DYM: variants seen among roughly 807,000 people sequenced by gnomAD.
The protein encoded by DYM is dyggve-Melchior-Clausen syndrome protein.
In DYM, 78 loss-of-function variants were observed where a neutral mutation model predicts 93.1. The observed-to-expected ratio is 0.84, with a 90% confidence interval of 0.70 to 1.01. DYM has a LOEUF of 1.01. Among genes scored for constraint, DYM ranks in the 50% least tolerant of loss-of-function variants. The probability of loss-of-function intolerance (pLI) is 0.00; values close to 1 mark genes in which losing one functional copy is unlikely to be tolerated. For synonymous variants in DYM, 321 were observed against 319.7 expected (o/e 1.00, Z -0.04); for missense variants, 789 against 845.0 (o/e 0.93, Z 0.82).
chr18:49,411,668 AC>A (rs1568398454), intron 2 of DYM, among the ~76,000 whole-genome samples: 2 of 152,202 alleles, frequency 1.3e-5, no homozygotes, highest in African/African-American at 4.8e-5. Context: ...GGTTTGCTGA[AC>A]AATCAAACTG....
At chr18:49,454,671 C>T (rs984765082) in intron 1 of DYM, among the ~76,000 whole-genome samples, 7 of 151,390 alleles carry the variant, frequency 4.6e-5, no homozygotes, top group Admixed American at 2.0e-4. Context: ...AGGCCGAGGC[C>T]GGTGGATCAC....
At chr18:49,160,080 C>T (rs951643993) in intron 15 of DYM, among the ~76,000 whole-genome samples, 1 of 152,110 alleles carries the variant, frequency 6.6e-6, no homozygotes, top group African/African-American at 2.4e-5. Flanking sequence ...CTGTTAGTCA[C>T]TGAATTAAAT....
At chr18:49,122,632 T>C (rs1304916220) in intron 15 of DYM, among the ~76,000 whole-genome samples, 1 of 152,196 alleles carries the variant, frequency 6.6e-6, no homozygotes, top group Non-Finnish European at 1.5e-5. Flanking sequence ...TACAATGTAA[T>C]AATAATAGAA....
rs530888029 is a variant in DYM, at chr18:49,044,268, G to C, written c.2026-64C>G. On this transcript the variant is annotated intron_variant, in intron 17 of 17. Transcript: ENST00000675505. ...CCATGCACAAGCAAAAGTGGTGAGA[G>C]TTTGCAGGTGGTGCTGTGGTGTGCG... 1.9e-6 allele frequency: 3 copies of C among 1,594,116 alleles called. No homozygotes were observed. In the Admixed American group the frequency reaches 5.0e-5, roughly 27 times the overall value.
chr18:49,307,713 A>G (rs932101644), intron 8 of DYM, among the ~76,000 whole-genome samples: 2 of 152,164 alleles, frequency 1.3e-5, no homozygotes, highest in Admixed American at 1.3e-4. Context: ...TTAGATCAGA[A>G]CAAACAACTG....
intron 8 of DYM, among the ~76,000 whole-genome samples, chr18:49,313,462 CAAAAAAAAAAAAAAAAA>C (rs60775305): frequency 1.1e-3 from 32 of 28,566 alleles, no homozygotes; most frequent in African/African-American, 2.5e-3. Flanking sequence ...GACTCTGTCA[CAAAAAAAAAAAAAAAAA>C]AAAAAAAAAA....
At chr18:49,191,626 T>C (rs1015748138) in intron 14 of DYM, among the ~76,000 whole-genome samples, 1 of 152,186 alleles carries the variant, frequency 6.6e-6, no homozygotes. Flanking sequence ...GTTTCTTCTG[T>C]TTCTACAGTT....
At chr18:49,065,041 A>G (rs1171235304) in intron 17 of DYM, among the ~76,000 whole-genome samples, 1 of 152,034 alleles carries the variant, frequency 6.6e-6, no homozygotes, top group Non-Finnish European at 1.5e-5. Flanking sequence ...AAAGCATTGA[A>G]CTGTTTAAGT....
chr18:49,122,757 C>G (rs1198608380), intron 15 of DYM, among the ~76,000 whole-genome samples: 2 of 152,186 alleles, frequency 1.3e-5, no homozygotes, highest in Non-Finnish European at 2.9e-5. Context: ...CTGGGGACCG[C>G]TGCTTTATAT....
At chr18:49,150,903 C>A (rs1466192154) in intron 15 of DYM, among the ~76,000 whole-genome samples, 1 of 152,190 alleles carries the variant, frequency 6.6e-6, no homozygotes, top group Admixed American at 6.5e-5. Flanking sequence ...AATTCCATTT[C>A]TGTAATTCCA....
intron 14 of DYM, among the ~76,000 whole-genome samples, chr18:49,194,250 T>C (rs573266543): frequency 6.6e-6 from 1 of 152,300 alleles, no homozygotes; most frequent in Admixed American, 6.5e-5. Flanking sequence ...CCAATCCAAA[T>C]CCTCCATACA....
At chr18:49,264,940 C>CTA in intron 11 of DYM, among the ~76,000 whole-genome samples, 1 of 152,242 alleles carries the variant, frequency 6.6e-6, no homozygotes, top group Admixed American at 6.5e-5. Flanking sequence ...AAACTAGGAG[C>CTA]TATACTACAA....
chr18:49,292,355 GACACACACACAC>G lies in DYM; in HGVS notation c.764-5751_764-5740del, dbSNP rs57025579. On this transcript the variant is annotated intron_variant, in intron 8 of 17. Coordinates refer to ENST00000675505, the MANE Select transcript of DYM (RefSeq NM_001353214.3). ...AGGCAGGCAGACAGACAGACAGACAGACACACACACACACACACACACACACACACACACACA... is the reference window on the plus strand; with the variant it reads ...AGGCAGGCAGACAGACAGACAGACAGACACACACACACACACACACACACA... Among the ~76,000 whole-genome samples, 593 of 84,740 alleles carry G rather than the reference GACACACACACAC, an allele frequency of 7.0e-3. 6 individuals are homozygous for G. Among genetic ancestry groups the G allele is most frequent in the African/African-American group, 0.019 (505 of 27,146 alleles). 55.6% of individuals were successfully genotyped at this position (84,740 alleles called of 152,430 possible).
intron 1 of DYM, among the ~76,000 whole-genome samples, chr18:49,442,463 A>C (rs1335450877): frequency 2.0e-5 from 3 of 152,010 alleles, no homozygotes; most frequent in African/African-American, 4.8e-5. Flanking sequence ...AGGTGAGAGG[A>C]TTGCCTGAGC....
rs528214055 is a variant in DYM at position 49,386,215 on chromosome 18, G to GA, written c.193+5377dup. On this transcript the variant is annotated intron_variant, in intron 3 of 17. Coordinates refer to ENST00000675505, the MANE Select transcript of DYM (RefSeq NM_001353214.3). ...AATACAATTAACGTCAGATTTATCT[G>GA]AAAAAAATAGAGACCAGAAGGCAGT... 1.4e-4 allele frequency among the ~76,000 whole-genome samples: 21 copies of GA among 151,998 alleles called. No homozygotes were observed. The East Asian group carries it at 3.3e-3, about 24-fold the overall frequency.
chr18:49,256,987 T>A (rs760154721), intron 13 of DYM, 23 bp downstream of exon 13: 2 of 1,587,458 alleles, frequency 1.3e-6, no homozygotes, highest in South Asian at 2.2e-5. Flanking sequence ...CAAATCAGTA[T>A]TTCTTTTAAA....
intron 9 of DYM, among the ~76,000 whole-genome samples, chr18:49,282,539 G>A (rs2095015988): frequency 6.6e-6 from 1 of 152,186 alleles, no homozygotes; most frequent in African/African-American, 2.4e-5. Context: ...CTTGAACCTG[G>A]GAGGTGGAGG....
intron 1 of DYM, among the ~76,000 whole-genome samples, chr18:49,442,130 C>G (rs965945424): frequency 6.6e-6 from 1 of 152,142 alleles, no homozygotes; most frequent in East Asian, 1.9e-4. Context: ...ATGCCCACCA[C>G]TCAACAAAAT....
intron 8 of DYM, among the ~76,000 whole-genome samples, chr18:49,293,062 T>A (rs1472079607): frequency 1.3e-5 from 2 of 151,924 alleles, no homozygotes. Context: ...CACTTATTAG[T>A]GAGATCATGA....
Sources: allele counts gnomAD v4.1 joint callset (sites outside exome capture counted in the v4.1 genomes callset), GRCh38; gene constraint gnomAD v4.1.1; transcripts MANE v1.5; gene names NCBI Gene and HGNC (gene_info 2026-07-23, HGNC 2026-07-21).